FYB1: variants seen among roughly 807,000 people sequenced by gnomAD.
FYB1 encodes FYN binding protein 1, also known as FYN-binding protein 1.
FYB1 carries 41 observed loss-of-function variants against 94.1 expected under a neutral mutation model. The ratio of observed to expected loss-of-function variants is 0.44; its 90% CI spans 0.34 to 0.57. The LOEUF (loss-of-function observed/expected upper bound fraction) is 0.57, where lower values mean the gene tolerates loss of function less well. Among genes scored for constraint, FYB1 ranks in the 20% least tolerant of loss-of-function variants. The pLI, the probability that FYB1 is intolerant of heterozygous loss-of-function variation, is 0.02. For missense variants in FYB1, 1,050 were observed against 976.8 expected, an observed-to-expected ratio of 1.07 and a Z score of -1.00; for synonymous variants, 367 against 353.2, an observed-to-expected ratio of 1.04 and a Z score of -0.44.
chr5:39,208,127 G>T (rs1262289341), intron 1 of FYB1, among the ~76,000 whole-genome samples: 2 of 152,164 alleles, frequency 1.3e-5, no homozygotes, highest in African/African-American at 4.8e-5. Flanking sequence ...ACCTTTGAAA[G>T]TCTCATCTTT....
intron 1 of FYB1, among the ~76,000 whole-genome samples, chr5:39,236,963 C>T (rs1750991737): frequency 6.6e-6 from 1 of 152,118 alleles, no homozygotes; most frequent in Non-Finnish European, 1.5e-5. Flanking sequence ...TCACTACTGC[C>T]ACCAGGAACT....
chr5:39,178,922 G>A (rs1417779983), intron 2 of FYB1, among the ~76,000 whole-genome samples: 2 of 152,100 alleles, frequency 1.3e-5, no homozygotes, highest in African/African-American at 2.4e-5. Flanking sequence ...TAGAAAACTG[G>A]CTGAGTTTGA....
intron 1 of FYB1, among the ~76,000 whole-genome samples, chr5:39,271,632 AC>A (rs1752666653): frequency 6.6e-6 from 1 of 152,236 alleles, no homozygotes; most frequent in Non-Finnish European, 1.5e-5. Flanking sequence ...AAAAGATGTT[AC>A]CTGTTATTTA....
chr5:39,250,078 T>C (rs1374695653), intron 1 of FYB1, among the ~76,000 whole-genome samples: 1 of 152,228 alleles, frequency 6.6e-6, no homozygotes, highest in Non-Finnish European at 1.5e-5. Context: ...ATGTAAGACA[T>C]GCCTGCTTCC....
Position 39,234,687 on chromosome 5 carries a change from A to G in FYB1, c.-27-31700T>C, listed in dbSNP as rs562668419. On this transcript the variant is annotated intron_variant, in intron 1 of 1. Transcript: ENST00000510188. The stretch of plus-strand genomic sequence containing the variant: ...AATGGATAAGGAAAATGTGGCACAT[A>G]TACACCATGGAATACTATGCAGCCA... Among the ~76,000 whole-genome samples the G allele has an allele frequency of 2.0e-5, 3 of 152,210 alleles. No individual in the cohort carries two copies. In the South Asian group the frequency reaches 6.2e-4, roughly 31 times the overall value.
chr5:39,182,284 T>C (rs1579587369), intron 2 of FYB1, among the ~76,000 whole-genome samples: 3 of 118,074 alleles, frequency 2.5e-5, no homozygotes, highest in Admixed American at 1.8e-4. Flanking sequence ...TGTGTGTGCA[T>C]GCATGTGTGT....
intron 8 of FYB1, 71 bp downstream of exon 8, chr5:39,134,784 G>T: frequency 6.6e-7 from 1 of 1,523,500 alleles, no homozygotes; most frequent in South Asian, 1.2e-5. Context: ...GACGAGTTCT[G>T]GAGGAATATG....
intron 2 of FYB1, among the ~76,000 whole-genome samples, chr5:39,157,301 T>G (rs1022034583): frequency 1.3e-5 from 2 of 152,238 alleles, no homozygotes; most frequent in Non-Finnish European, 2.9e-5. Context: ...GGGCATAAGT[T>G]CAGCTTTTTT....
intron 2 of FYB1, among the ~76,000 whole-genome samples, chr5:39,172,065 A>G (rs987287339): frequency 1.3e-5 from 2 of 152,116 alleles, no homozygotes; most frequent in East Asian, 3.9e-4. Context: ...TGCATTCTTT[A>G]TATAATATGA....
Position 39,178,913 on chromosome 5 carries a change from A to G in FYB1, c.1135+22913T>C, listed in dbSNP as rs148496654. ...AAACGTATCATCTTGTCAAGCACAT[A>G]GAAAACTGGCTGAGTTTGAAAATCT... On this transcript the variant is annotated intron_variant, in intron 2 of 18. Transcript: ENST00000512982. 2.0e-5 allele frequency among the ~76,000 whole-genome samples: 3 copies of G among 152,324 alleles called. No individual in the cohort carries two copies. In the East Asian group the frequency reaches 5.8e-4, roughly 29 times the overall value.
rs766795140 is a variant in FYB1 at position 39,124,295 on chromosome 5, A to G, written c.2046-17T>C. 4.5e-6 allele frequency: 7 copies of G among 1,541,758 alleles called. No individual in the cohort carries two copies. The East Asian group carries it at 9.6e-5, about 21-fold the overall frequency. ...GCAGGGAAACTACAAAGAAAGTGAGAACACAATTATAATCAGACTAACATG... is the reference window on the plus strand; with the variant it reads ...GCAGGGAAACTACAAAGAAAGTGAGGACACAATTATAATCAGACTAACATG... On this transcript the variant is annotated splice_polypyrimidine_tract_variant and intron_variant, in intron 12 of 18. Transcript: ENST00000512982.
At chr5:39,195,136 C>CAA (rs1309573324) in intron 2 of FYB1, among the ~76,000 whole-genome samples, 1 of 152,180 alleles carries the variant, frequency 6.6e-6, no homozygotes, top group African/African-American at 2.4e-5. Flanking sequence ...CCGTTTCAGT[C>CAA]AAAGCATCCC....
chr5:39,255,647 C>T (rs1187516425), intron 1 of FYB1, among the ~76,000 whole-genome samples: 1 of 152,160 alleles, frequency 6.6e-6, no homozygotes, highest in Non-Finnish European at 1.5e-5. Context: ...ACGCAGAGGA[C>T]AAACTTTACC....
intron 2 of FYB1, among the ~76,000 whole-genome samples, chr5:39,185,597 CATATATATACACATAT>C (rs1454065816): frequency 4.2e-5 from 6 of 141,376 alleles, no homozygotes; most frequent in South Asian, 4.3e-4. Flanking sequence ...CATATATATA[CATATATATACACATAT>C]ATATATATAC....
chr5:39,126,056 T>A lies in FYB1; in HGVS notation c.1987A>T (p.Lys663Ter). Residue 663 changes from lysine (K) to a stop codon, truncating the protein, a stop_gained, in exon 12 of 19, where the codon AAG (lysine) becomes TAG (stop). Transcript: ENST00000512982. LOFTEE classifies it high-confidence loss of function. Reference protein sequence around the residue: ...LKMLKGKDDRKKSIREKPKVS... With the variant: ...LKMLKGKDDR The stretch of plus-strand genomic sequence containing the variant: ...TTAGGTTTCTCTCGTATACTTTTCT[T>A]TCTGTCATCTTTTCCCTTTAACATC... 1 of 1,613,546 alleles carries A rather than the reference T, an allele frequency of 6.2e-7. No individual in the cohort carries two copies. Among genetic ancestry groups the A allele is most frequent in the Non-Finnish European group, 8.5e-7 (1 of 1,179,650 alleles).
chr5:39,166,307 G>T (rs535295232), intron 2 of FYB1, among the ~76,000 whole-genome samples: 1 of 152,000 alleles, frequency 6.6e-6, no homozygotes, highest in African/African-American at 2.4e-5. Context: ...CTGGTGGCAG[G>T]TGCCTGTAAT....
chr5:39,169,035 A>G (rs1745004608), intron 2 of FYB1, among the ~76,000 whole-genome samples: 1 of 152,222 alleles, frequency 6.6e-6, no homozygotes, highest in Non-Finnish European at 1.5e-5. Context: ...TTACCATTTA[A>G]AGGAAATAGG....
rs56144868 is a variant in FYB1, at chr5:39,186,638, C to CTTT, written c.1135+15185_1135+15187dup. Among the ~76,000 whole-genome samples, 39 of 76,368 alleles carry CTTT rather than the reference C, an allele frequency of 5.1e-4. 2 individuals are homozygous for CTTT. Among genetic ancestry groups the CTTT allele is most frequent in the Admixed American group, 3.6e-3 (21 of 5,828 alleles). 50.1% of individuals were successfully genotyped at this position (76,368 alleles called of 152,430 possible). ...ATTTAACACCTGCAACAATTGGATG[C>CTTT]TTTTTTTTTTTTTTTTTTTTTTTTT... On this transcript the variant is annotated intron_variant, in intron 2 of 18. Coordinates refer to ENST00000512982, the MANE Select transcript of FYB1 (RefSeq NM_001465.6).
chr5:39,124,113 G>A (rs1035048112), intron 13 of FYB1, 140 bp downstream of exon 13: 1 of 626,766 alleles, frequency 1.6e-6, no homozygotes, highest in African/African-American at 2.0e-5. Flanking sequence ...ACCACCCAAG[G>A]TAAAGTTACT....
Sources: gnomAD v4.1 joint callset for allele counts (sites outside exome capture counted in the v4.1 genomes callset) on GRCh38, gnomAD v4.1.1 for gene constraint, MANE v1.5 for transcripts, NCBI Gene and HGNC (gene_info 2026-07-23, HGNC 2026-07-21) for gene names.